CACNG4: variants seen among roughly 807,000 people sequenced by gnomAD.
CACNG4 encodes calcium voltage-gated channel auxiliary subunit gamma 4.
Under a neutral mutation model 22.9 loss-of-function variants are expected in CACNG4, and 8 were observed. That is an observed-to-expected ratio of 0.35 (90% CI 0.21 to 0.63). The LOEUF (loss-of-function observed/expected upper bound fraction) is 0.63. Among genes scored for constraint, CACNG4 ranks in the 30% least tolerant of loss-of-function variants. The pLI, the probability that CACNG4 is intolerant of heterozygous loss-of-function variation, is 0.72. For missense variants in CACNG4, 357 were observed against 455.4 expected, an observed-to-expected ratio of 0.78 and a Z score of 1.97; for synonymous variants, 188 against 191.9, an observed-to-expected ratio of 0.98 and a Z score of 0.17.
chr17:66,995,358 A>G (rs2035367569), intron 1 of CACNG4, among the ~76,000 whole-genome samples: 1 of 152,204 alleles, frequency 6.6e-6, no homozygotes, highest in Non-Finnish European at 1.5e-5. Flanking sequence ...ATCACACGGC[A>G]GCCTCTCATG....
At chr17:67,007,579 C>T (rs911610487) in intron 1 of CACNG4, among the ~76,000 whole-genome samples, 11 of 151,904 alleles carry the variant, frequency 7.2e-5, no homozygotes, top group African/African-American at 2.7e-4. Context: ...GACCTCTACT[C>T]TGCAGCCTGG....
At chr17:67,028,585 A>G (rs1276789993) in intron 3 of CACNG4, among the ~76,000 whole-genome samples, 2 of 152,080 alleles carry the variant, frequency 1.3e-5, no homozygotes, top group African/African-American at 2.4e-5. Context: ...AAAAAAACGC[A>G]ATGGATGGTA....
chr17:67,030,871 T>A lies in CACNG4; in HGVS notation c.851T>A (p.Leu284His). ...ATGTACACGCTGTCCAGGGAGCCCC[T>A]CAAGGTGACCACCGCAGCCAGCTAC... is the stretch of plus-strand genomic sequence containing the variant. ...LSMYTLSREPLKVTTAASYSP... is the reference protein window; with the variant it reads ...LSMYTLSREPHKVTTAASYSP... The change falls in exon 4 of 4, where the codon CTC (leucine) becomes CAC (histidine). Residue 284 changes from leucine (L) to histidine (H), a missense_variant. By Grantham distance (99) the Leu-to-His change is moderately conservative. This residue lies in a region of CACNG4 where 240 missense variants were observed against 277.6 expected (regional missense o/e 0.86). Coordinates refer to ENST00000262138, the MANE Select transcript of CACNG4 (RefSeq NM_014405.4). This position sits in a 1 kb window ranked among gnomAD's most constrained non-coding sequence, Gnocchi z 6.4. 1 of 1,612,722 alleles carries A rather than the reference T, an allele frequency of 6.2e-7. No homozygotes were observed. The highest frequency in any genetic ancestry group is 8.5e-7 in the Non-Finnish European group (1 of 1,179,966).
intron 3 of CACNG4, 85 bp downstream of exon 3, chr17:67,025,085 T>C (rs2035556054): frequency 7.5e-7 from 1 of 1,336,378 alleles, no homozygotes; most frequent in Non-Finnish European, 9.9e-7. Flanking sequence ...TGCCAGGCAG[T>C]GTGCATCCTA....
chr17:66,969,330 G>A (rs919377673), intron 1 of CACNG4, among the ~76,000 whole-genome samples: 1 of 152,206 alleles, frequency 6.6e-6, no homozygotes, highest in Non-Finnish European at 1.5e-5. Flanking sequence ...GGGTCCTGGC[G>A]CCTCAGCCGT....
intron 2 of CACNG4, among the ~76,000 whole-genome samples, chr17:67,023,445 T>C (rs911847417): frequency 6.6e-6 from 1 of 151,484 alleles, no homozygotes; most frequent in Non-Finnish European, 1.5e-5. Context: ...CCGGCTAATT[T>C]TTTGTATTTT....
intron 1 of CACNG4, among the ~76,000 whole-genome samples, chr17:67,014,794 AGTG>A (rs1477768129): frequency 6.6e-6 from 1 of 151,964 alleles, no homozygotes; most frequent in African/African-American, 2.4e-5. Context: ...AAAATTAGCC[AGTG>A]GTGGTGGTGC....
chr17:66,981,063 A>G (rs777997370), intron 1 of CACNG4, among the ~76,000 whole-genome samples: 1 of 152,142 alleles, frequency 6.6e-6, no homozygotes, highest in Non-Finnish European at 1.5e-5. Flanking sequence ...CCCTGAAACA[A>G]TCCCTCACTC....
In CACNG4 at chr17:66,966,340, C is replaced by CA. The variant is rs544215670; in HGVS notation, c.220+1214dup. On this transcript the variant is annotated intron_variant, in intron 1 of 3. Transcript: ENST00000262138. ...TGGTGGGGGCTTTCCTTTGATTTTT[C>CA]AAAAACCCTTGGACAGAATTCCTTC... 2.6e-4 allele frequency among the ~76,000 whole-genome samples: 39 copies of CA among 152,246 alleles called. No individual in the cohort carries two copies. The South Asian group carries it at 8.1e-3, about 32-fold the overall frequency.
At chr17:66,965,698 GGGGGCAGAAGTA>G (rs1306175053) in intron 1 of CACNG4, among the ~76,000 whole-genome samples, 15 of 151,298 alleles carry the variant, frequency 9.9e-5, no homozygotes, top group South Asian at 2.1e-4. Flanking sequence ...GCTGAGGGGT[GGGGGCAGAAGTA>G]GGGGCAGAAG....
intron 1 of CACNG4, among the ~76,000 whole-genome samples, chr17:67,005,284 G>A (rs532315527): frequency 5.3e-5 from 8 of 152,304 alleles, no homozygotes; most frequent in Admixed American, 3.9e-4. Flanking sequence ...TTGGCTGGGG[G>A]CAGGGCCATG....
At chr17:66,993,867 C>T (rs2035357173) in intron 1 of CACNG4, among the ~76,000 whole-genome samples, 1 of 152,142 alleles carries the variant, frequency 6.6e-6, no homozygotes, top group South Asian at 2.1e-4. Flanking sequence ...GATCCACCCA[C>T]CTCAGCCTCC....
chr17:67,031,437 GA>G lies in CACNG4; in HGVS notation c.*434del, dbSNP rs1284297010. On this transcript the variant is annotated 3_prime_UTR_variant, in exon 4 of 4. Transcript: ENST00000262138. This position sits in a 1 kb window ranked among gnomAD's most constrained non-coding sequence, Gnocchi z 4.0. ...AGAAGGCTCTGCCGGACGCCAAGAA[GA>G]CGGTCTCTGGGCTCTTGTCAGCTGC... 4 of 460,692 alleles carry G rather than the reference GA, an allele frequency of 8.7e-6. No individual in the cohort carries two copies. In the Admixed American group the frequency reaches 9.4e-5, roughly 11 times the overall value. The allele number at this position is 460,692 out of a possible 1,614,324, so 28.5% of individuals were successfully genotyped here.
chr17:67,025,295 A>G (rs1171533639), intron 3 of CACNG4, among the ~76,000 whole-genome samples: 1 of 152,240 alleles, frequency 6.6e-6, no homozygotes, highest in Non-Finnish European at 1.5e-5. Flanking sequence ...GGTTACTTTT[A>G]TCTTGCATGA....
At chr17:66,979,882 A>G (rs113469016) in intron 1 of CACNG4, among the ~76,000 whole-genome samples, 9,045 of 151,082 alleles carry the variant, frequency 0.06, 418 homozygotes, top group African/African-American at 0.13. Flanking sequence ...CAGCCTCCCA[A>G]GTAGCTGGGA....
chr17:66,991,606 G>A lies in CACNG4; in HGVS notation c.220+26475G>A, dbSNP rs564735771. On this transcript the variant is annotated intron_variant, in intron 1 of 3. Transcript: ENST00000262138. ...TCCCTACTCACATGGGTAAGGATAC[G>A]GGCCTGCGAGGATGTGTGTCAGTTG... Among the ~76,000 whole-genome samples, 19 of 152,236 alleles carry A rather than the reference G, an allele frequency of 1.2e-4. No individual in the cohort carries two copies. In the South Asian group the frequency reaches 3.1e-3, roughly 25 times the overall value.
At chr17:67,010,104 G>C (rs1014658509) in intron 1 of CACNG4, among the ~76,000 whole-genome samples, 1 of 152,046 alleles carries the variant, frequency 6.6e-6, no homozygotes, top group Non-Finnish European at 1.5e-5. Flanking sequence ...AGACACAGTG[G>C]TGCCTTCTCT....
chr17:66,997,518 G>C (rs1182728483), intron 1 of CACNG4, among the ~76,000 whole-genome samples: 2 of 152,152 alleles, frequency 1.3e-5, no homozygotes, highest in Non-Finnish European at 2.9e-5. Context: ...GCAGTGCAAA[G>C]AGAATGGTTA....
Position 66,967,419 on chromosome 17 carries a change from G to C in CACNG4, c.220+2288G>C, listed in dbSNP as rs1448516304. 7.9e-5 allele frequency among the ~76,000 whole-genome samples: 12 copies of C among 152,254 alleles called. No homozygotes were observed. In the South Asian group the frequency reaches 2.5e-3, roughly 32 times the overall value. On this transcript the variant is annotated intron_variant, in intron 1 of 3. Transcript: ENST00000262138. The stretch of plus-strand genomic sequence containing the variant: ...TTGTGACAGTCCCTCAACCTGGGTG[G>C]GAACTGACAGCTTTTCTCATAAAAA...
Sources: gnomAD v4.1 joint callset for allele counts (sites outside exome capture counted in the v4.1 genomes callset) on GRCh38, gnomAD v4.1.1 for gene constraint, gnomAD v4.1.1 regional missense constraint, Gnocchi (gnomAD v3.1) non-coding constraint, MANE v1.5 for transcripts, NCBI Gene and HGNC (gene_info 2026-07-23, HGNC 2026-07-21) for gene names.